OTUD7A: variants seen among roughly 807,000 people sequenced by gnomAD.
The protein encoded by OTUD7A is OTU domain-containing protein 7A.
A neutral mutation model predicts 65.7 loss-of-function variants in OTUD7A; 12 were observed. The observed-to-expected ratio is 0.18, with a 90% CI of 0.12 to 0.30. The LOEUF is 0.30. Among genes scored for constraint, OTUD7A ranks in the 10% least tolerant of loss-of-function variants. OTUD7A has a pLI of 1.00. For synonymous variants in OTUD7A, 641 were observed against 586.3 expected (o/e 1.09, Z -1.35); for missense variants, 1,148 against 1,304.8 (o/e 0.88, Z 1.85).
chr15:31,830,958 T>C (rs1046764962), intron 1 of OTUD7A, among the ~76,000 whole-genome samples: 4 of 152,204 alleles, frequency 2.6e-5, no homozygotes, highest in African/African-American at 9.7e-5. Context: ...AGTGTGGTAA[T>C]AGCAGGACCA....
chr15:31,639,322 T>C (rs904546153), intron 3 of OTUD7A, among the ~76,000 whole-genome samples: 1 of 151,244 alleles, frequency 6.6e-6, no homozygotes, highest in African/African-American at 2.5e-5. Flanking sequence ...GTCATCTCTG[T>C]TGTTGCACGT....
At chr15:31,518,490 AGTGCACATCTGT>A (rs1477076355) in intron 8 of OTUD7A, among the ~76,000 whole-genome samples, 1 of 152,012 alleles carries the variant, frequency 6.6e-6, no homozygotes, top group African/African-American at 2.4e-5. Context: ...AAAAAAAGTA[AGTGCACATCTGT>A]GTGCACACAC....
chr15:31,512,151 CGGTGTTTTTTCCT>C (rs1200704005), intron 8 of OTUD7A, among the ~76,000 whole-genome samples: 7 of 152,064 alleles, frequency 4.6e-5, no homozygotes, highest in East Asian at 1.9e-4. Flanking sequence ...AATACTTTAC[CGGTGTTTTTTCCT>C]GGTGTTTTTT....
At chr15:31,747,180 G>C (rs1894503383) in intron 1 of OTUD7A, among the ~76,000 whole-genome samples, 1 of 152,136 alleles carries the variant, frequency 6.6e-6, no homozygotes, top group African/African-American at 2.4e-5. Context: ...CTGGTAAAAG[G>C]AGTTACCAAG....
intron 3 of OTUD7A, among the ~76,000 whole-genome samples, chr15:31,625,370 A>G (rs991917405): frequency 3.3e-5 from 5 of 152,064 alleles, no homozygotes; most frequent in African/African-American, 1.2e-4. Context: ...ATAGATGACT[A>G]GTACACCACA....
intron 3 of OTUD7A, among the ~76,000 whole-genome samples, chr15:31,643,344 T>A (rs1235522521): frequency 6.6e-6 from 1 of 152,184 alleles, no homozygotes; most frequent in Admixed American, 6.5e-5. Context: ...ATTTTGGATA[T>A]TTTCCATTGC....
At chr15:31,622,831 A>G (rs1341279405) in intron 3 of OTUD7A, among the ~76,000 whole-genome samples, 5 of 151,374 alleles carry the variant, frequency 3.3e-5, no homozygotes, top group African/African-American at 1.2e-4. Flanking sequence ...TTGGAGGAGG[A>G]GAGGCACTCT....
At chr15:31,793,390 G>A (rs1895870041) in intron 1 of OTUD7A, among the ~76,000 whole-genome samples, 1 of 152,128 alleles carries the variant, frequency 6.6e-6, no homozygotes, top group Non-Finnish European at 1.5e-5. Context: ...CACTGGGCCA[G>A]AGGTGCACTT....
chr15:31,763,658 A>G (rs927076076), intron 1 of OTUD7A, among the ~76,000 whole-genome samples: 1 of 152,166 alleles, frequency 6.6e-6, no homozygotes, highest in Non-Finnish European at 1.5e-5. Context: ...AAATTTAGTG[A>G]AAGACAAATT....
At chr15:31,585,256 A>G (rs912265064) in intron 3 of OTUD7A, among the ~76,000 whole-genome samples, 1 of 152,240 alleles carries the variant, frequency 6.6e-6, no homozygotes, top group Admixed American at 6.5e-5. Flanking sequence ...TAATTTGGGA[A>G]CAGCCTGGAA....
intron 5 of OTUD7A, among the ~76,000 whole-genome samples, chr15:31,550,013 T>A (rs1456565262): frequency 6.6e-6 from 1 of 150,418 alleles, no homozygotes; most frequent in Non-Finnish European, 1.5e-5. Context: ...GGCAGGAGAA[T>A]CGCTTGAACC....
chr15:31,666,304 T>C (rs1356793999), intron 1 of OTUD7A, among the ~76,000 whole-genome samples: 2 of 152,116 alleles, frequency 1.3e-5, no homozygotes, highest in Admixed American at 6.5e-5. Context: ...CTGCTTGTTA[T>C]TGGTCTGTTC....
intron 1 of OTUD7A, among the ~76,000 whole-genome samples, chr15:31,866,736 T>C (rs1414485900): frequency 3.3e-5 from 5 of 152,242 alleles, no homozygotes; most frequent in African/African-American, 9.6e-5. Flanking sequence ...TAAAGGGATT[T>C]GGCATCACCT....
chr15:31,828,846 T>G (rs1896861369), intron 1 of OTUD7A, among the ~76,000 whole-genome samples: 1 of 152,080 alleles, frequency 6.6e-6, no homozygotes, highest in South Asian at 2.1e-4. Context: ...CTCTCCCGCT[T>G]TACCCCAGGC....
chr15:31,829,435 C>T (rs541018148), intron 1 of OTUD7A, among the ~76,000 whole-genome samples: 8 of 152,328 alleles, frequency 5.3e-5, no homozygotes, highest in African/African-American at 1.9e-4. Flanking sequence ...GTCTTGGTTC[C>T]ATGGGCTTCT....
At chr15:31,515,743 T>C (rs1214129349) in intron 8 of OTUD7A, among the ~76,000 whole-genome samples, 1 of 131,568 alleles carries the variant, frequency 7.6e-6, no homozygotes, top group Non-Finnish European at 1.7e-5. Context: ...CATCCATTCA[T>C]GCCATCCACC....
chr15:31,775,051 T>C (rs1360452081), intron 1 of OTUD7A, among the ~76,000 whole-genome samples: 1 of 150,274 alleles, frequency 6.7e-6, no homozygotes, highest in Non-Finnish European at 1.5e-5. Context: ...TCCTCTGACC[T>C]ATGCATGCAC....
At chr15:31,835,085 G>T (rs1212136224) in intron 1 of OTUD7A, among the ~76,000 whole-genome samples, 7 of 152,172 alleles carry the variant, frequency 4.6e-5, no homozygotes, top group Non-Finnish European at 1.0e-4. Flanking sequence ...CTGTTCATCT[G>T]CCAGGAAAAG....
chr15:31,683,871 G>T (rs1039916350), intron 1 of OTUD7A, among the ~76,000 whole-genome samples: 70 of 152,016 alleles, frequency 4.6e-4, no homozygotes, highest in Non-Finnish European at 2.5e-4. Context: ...TGACTATGAA[G>T]TCCAAGTTTA....
Sources: allele counts gnomAD v4.1 joint callset (sites outside exome capture counted in the v4.1 genomes callset), GRCh38; gene constraint gnomAD v4.1.1; transcripts MANE v1.5; gene names NCBI Gene and HGNC (gene_info 2026-07-23, HGNC 2026-07-21).